SYNE1: variants seen among roughly 807,000 people sequenced by gnomAD.
The protein encoded by SYNE1 is spectrin repeat containing nuclear envelope protein 1.
Under a neutral mutation model 1,111.0 loss-of-function variants are expected in SYNE1, and 616 were observed. The ratio of observed to expected loss-of-function variants is 0.55; its 90% CI spans 0.52 to 0.59. The LOEUF is 0.59. Ranked by LOEUF, SYNE1 falls within the 20% of genes least tolerant of loss-of-function variation. The pLI, the probability that SYNE1 is intolerant of heterozygous loss-of-function variation, is 0.00. For missense variants in SYNE1, 10,006 were observed against 10,417.0 expected, an observed-to-expected ratio of 0.96 and a Z score of 1.72; for synonymous variants, 3,855 against 3,825.8, an observed-to-expected ratio of 1.01 and a Z score of -0.28.
intron 6 of SYNE1, among the ~76,000 whole-genome samples, chr6:152,515,586 C>T (rs9384004): frequency 0.28 from 43,171 of 152,106 alleles, 6,807 homozygotes; most frequent in East Asian, 0.46. Flanking sequence ...ACTATTTGCT[C>T]CCCTCTTCCA....
At chr6:152,333,888 C>T in intron 77 of SYNE1, 120 bp downstream of exon 77, 1 of 1,376,220 alleles carries the variant, frequency 7.3e-7, no homozygotes, top group East Asian at 2.3e-5. Flanking sequence ...CCGCCTCAGC[C>T]TCCTAAAGTG....
rs566579694 is a variant in SYNE1 at position 152,237,723 on chromosome 6, A to G, written c.20068-775T>C. Among the ~76,000 whole-genome samples the G allele has an allele frequency of 5.3e-5, 8 of 152,366 alleles. No individual in the cohort carries two copies. The South Asian group carries it at 1.7e-3, about 32-fold the overall frequency. On this transcript the variant is annotated intron_variant, in intron 108 of 145. Transcript: ENST00000367255. ...ACAAATCAATTACATTTGCATATGA[A>G]ACATATCTATAAATATGAATATATA...
At chr6:152,238,640 T>A (rs927706451) in intron 108 of SYNE1, among the ~76,000 whole-genome samples, 1 of 151,996 alleles carries the variant, frequency 6.6e-6, no homozygotes, top group African/African-American at 2.4e-5. Context: ...AGTAATATTG[T>A]GGGAGTGGGT....
chr6:152,622,033 T>C (rs1017844286), intron 3 of SYNE1, among the ~76,000 whole-genome samples: 1 of 152,214 alleles, frequency 6.6e-6, no homozygotes, highest in African/African-American at 2.4e-5. Flanking sequence ...TTAGGCATAA[T>C]AATTTATTCA....
At chr6:152,520,356 T>C (rs1356052102) in intron 6 of SYNE1, 103 bp downstream of exon 6, 16 of 1,090,038 alleles carry the variant, frequency 1.5e-5, no homozygotes, top group Non-Finnish European at 2.1e-5. Flanking sequence ...CTGTATAGAT[T>C]ACATGCCATC....
rs2097961542 is a variant in SYNE1, at chr6:152,409,174, A to G, written c.6434T>C (p.Phe2145Ser). 7 of 1,614,012 alleles carry G rather than the reference A, an allele frequency of 4.3e-6. No homozygotes were observed. The highest frequency in any genetic ancestry group is 5.1e-6 in the Non-Finnish European group (6 of 1,180,020). The change falls in exon 44 of 146, where the codon TTT becomes TCT. Residue 2145 changes from phenylalanine to serine, a missense_variant. Transcript: ENST00000367255. Reference sequence around the variant, plus strand: ...TAACAAGTGTTTTCCTTTGCTGGTAAAGTTATCCAAGTCTTTCTGTTTGTA... The same window carrying G: ...TAACAAGTGTTTTCCTTTGCTGGTAGAGTTATCCAAGTCTTTCTGTTTGTA... ...MNYKQKDLDNFTSKGKHLLSE... is the reference protein window; with the variant it reads ...MNYKQKDLDNSTSKGKHLLSE...
At chr6:152,257,724 T>A (rs1036587641) in intron 101 of SYNE1, among the ~76,000 whole-genome samples, 3 of 151,876 alleles carry the variant, frequency 2.0e-5, no homozygotes, top group South Asian at 2.1e-4. Context: ...ATCCAAATTT[T>A]AAAAAAACAA....
At chr6:152,505,116 C>A (rs1174604374) in intron 9 of SYNE1, 85 bp downstream of exon 9, 1 of 1,460,780 alleles carries the variant, frequency 6.8e-7, no homozygotes, top group Non-Finnish European at 9.5e-7. Flanking sequence ...CCAATAGAAT[C>A]TTGGAAGTCA....
intron 3 of SYNE1, among the ~76,000 whole-genome samples, chr6:152,595,118 G>A (rs887412491): frequency 1.3e-5 from 2 of 152,074 alleles, no homozygotes; most frequent in Non-Finnish European, 1.5e-5. Flanking sequence ...CCTGTCTTTT[G>A]TTCTGAACTA....
At chr6:152,422,646 G>C (rs1056243450) in intron 39 of SYNE1, among the ~76,000 whole-genome samples, 2 of 152,070 alleles carry the variant, frequency 1.3e-5, no homozygotes, top group Non-Finnish European at 2.9e-5. Context: ...GAGACTACAG[G>C]TACATGCCAC....
chr6:152,552,285 T>G (rs979022011), intron 3 of SYNE1, among the ~76,000 whole-genome samples: 2 of 152,170 alleles, frequency 1.3e-5, no homozygotes, highest in African/African-American at 2.4e-5. Context: ...ATCAAATTAC[T>G]GCTCTTTATC....
At chr6:152,435,833 A>G in intron 33 of SYNE1, 108 bp downstream of exon 33, 1 of 1,364,182 alleles carries the variant, frequency 7.3e-7, no homozygotes, top group Middle Eastern at 2.2e-4. Context: ...ATGCTGAAAT[A>G]CACAGACACT....
At chr6:152,594,821 A>T (rs9397111) in intron 3 of SYNE1, among the ~76,000 whole-genome samples, 96,358 of 151,918 alleles carry the variant, frequency 0.63, 31,480 homozygotes, top group African/African-American at 0.78. Flanking sequence ...ATGATTTTAA[A>T]GAAAACATTC....
At chr6:152,487,658 T>G (rs2098948005) in intron 12 of SYNE1, among the ~76,000 whole-genome samples, 1 of 152,230 alleles carries the variant, frequency 6.6e-6, no homozygotes, top group Non-Finnish European at 1.5e-5. Flanking sequence ...AACTGATCCC[T>G]TTAATGGACC....
chr6:152,510,962 C>T, intron 7 of SYNE1, 49 bp downstream of exon 7: 1 of 1,530,518 alleles, frequency 6.5e-7, no homozygotes, highest in Non-Finnish European at 9.1e-7. Context: ...CCACCATGAT[C>T]TCCCTCTGAG....
chr6:152,297,596 A>C (rs2094941151), intron 93 of SYNE1, among the ~76,000 whole-genome samples: 1 of 152,240 alleles, frequency 6.6e-6, no homozygotes, highest in Non-Finnish European at 1.5e-5. Context: ...AAATGCACTT[A>C]TATAAATTCT....
intron 81 of SYNE1, among the ~76,000 whole-genome samples, chr6:152,324,350 G>A (rs2095983818): frequency 6.6e-6 from 1 of 152,140 alleles, no homozygotes; most frequent in Non-Finnish European, 1.5e-5. Context: ...AGTGAGCTGA[G>A]ATCACACCAC....
intron 138 of SYNE1, among the ~76,000 whole-genome samples, chr6:152,141,590 C>G (rs2058565358): frequency 6.6e-6 from 1 of 151,826 alleles, no homozygotes; most frequent in African/African-American, 2.4e-5. Context: ...AACTCTGTCT[C>G]TACAAAATAT....
intron 6 of SYNE1, among the ~76,000 whole-genome samples, chr6:152,516,411 A>C (rs1422373318): frequency 6.6e-6 from 1 of 152,192 alleles, no homozygotes; most frequent in African/African-American, 2.4e-5. Flanking sequence ...CTTCTTTATA[A>C]ACAATGCCTT....
Sources: allele counts gnomAD v4.1 joint callset (sites outside exome capture counted in the v4.1 genomes callset), GRCh38; gene constraint gnomAD v4.1.1; transcripts MANE v1.5; gene names NCBI Gene and HGNC (gene_info 2026-07-23, HGNC 2026-07-21).